RPL6: variants seen among roughly 807,000 people sequenced by gnomAD.
RPL6 encodes ribosomal protein L6.
Under a neutral mutation model 32.1 loss-of-function variants are expected in RPL6, and 1 was observed. The ratio of observed to expected loss-of-function variants is 0.03; its 90% CI spans 0.01 to 0.15. RPL6 has a LOEUF of 0.15. RPL6 is among the 10% of genes least tolerant of loss of function. RPL6 has a pLI of 1.00. For missense variants in RPL6, 275 were observed against 354.6 expected, an observed-to-expected ratio of 0.78 and a Z score of 1.80; for synonymous variants, 126 against 131.6, an observed-to-expected ratio of 0.96 and a Z score of 0.29.
chr12:112,408,029 T>C (rs1206789987), intron 3 of RPL6: 3 of 563,716 alleles, frequency 5.3e-6, no homozygotes, highest in East Asian at 3.0e-5. Context: ...CTCATTCCCA[T>C]ATTATATGCA....
chr12:112,412,426 C>T (rs565746035), upstream of RPL6, among the ~76,000 whole-genome samples: 47 of 152,056 alleles, frequency 3.1e-4, no homozygotes, highest in African/African-American at 1.0e-3. Flanking sequence ...CTGCTCACCT[C>T]GGCCTCCCAA....
intron 4 of RPL6, 77 bp downstream of exon 4, chr12:112,406,670 C>T: frequency 1.9e-6 from 3 of 1,557,230 alleles, no homozygotes; most frequent in Non-Finnish European, 2.6e-6. Flanking sequence ...AGGAAAAGTA[C>T]ACCTAGCGTG....
chr12:112,412,678 G>T (rs1053978587), upstream of RPL6, among the ~76,000 whole-genome samples: 1 of 151,954 alleles, frequency 6.6e-6, no homozygotes, highest in Non-Finnish European at 1.5e-5. Context: ...GTCTCACAAT[G>T]TTGCCTCAGC....
intron 1 of RPL6, among the ~76,000 whole-genome samples, chr12:112,416,170 C>A (rs1215412199): frequency 7.6e-6 from 1 of 131,218 alleles, no homozygotes; most frequent in Admixed American, 8.3e-5. Context: ...GACAGAGTCT[C>A]GCTCTGTTGC....
At chr12:112,409,490 G>A (rs2037293797) in intron 1 of RPL6, 97 bp downstream of exon 1, 1 of 398,632 alleles carries the variant, frequency 2.5e-6, no homozygotes, top group Non-Finnish European at 4.4e-6. Flanking sequence ...GGACATGTCC[G>A]ACCCCTGTAG....
At chr12:112,406,152 T>G (rs186540503) in intron 5 of RPL6, 115 bp from the exon 6 acceptor site, 583 of 1,210,530 alleles carry the variant, frequency 4.8e-4, no homozygotes, top group Non-Finnish European at 6.4e-4. Flanking sequence ...TCTAACCCAC[T>G]TGCACACAAG....
intron 6 of RPL6, 108 bp downstream of exon 6, chr12:112,405,745 T>G: frequency 4.5e-6 from 4 of 885,076 alleles, no homozygotes; most frequent in Non-Finnish European, 7.0e-6. Flanking sequence ...CTCCCAGCAT[T>G]CCTCATTATT....
chr12:112,406,207 A>G (rs2037162541), intron 5 of RPL6, 87 bp downstream of exon 5: 6 of 1,291,332 alleles, frequency 4.6e-6, no homozygotes, highest in Non-Finnish European at 5.6e-6. Flanking sequence ...AGTGTCTACC[A>G]TGTAGGCAGT....
rs761752245 is a variant in RPL6, at chr12:112,406,357, G to T, written c.481-15C>A. 11 of 1,607,856 alleles carry T rather than the reference G, an allele frequency of 6.8e-6. No individual in the cohort carries two copies. Among genetic ancestry groups the T allele is most frequent in the African/African-American group, 6.7e-5 (5 of 74,744 alleles). On this transcript the variant is annotated splice_polypyrimidine_tract_variant and intron_variant, in intron 4 of 6. Transcript: ENST00000202773. ...AAAACCACCCTCTGTAAGTTAAAAA[G>T]AAAATAATTAGTTTTCTGCAATTAA...
upstream of RPL6, chr12:112,409,717 T>C (rs2037303787): frequency 8.0e-6 from 3 of 375,516 alleles, no homozygotes; most frequent in Non-Finnish European, 1.4e-5. Flanking sequence ...AAGAAAAAAG[T>C]AGTAAATCCT....
chr12:112,412,198 CCTGA>C (rs1379835834), upstream of RPL6, among the ~76,000 whole-genome samples: 1 of 152,158 alleles, frequency 6.6e-6, no homozygotes, highest in East Asian at 1.9e-4. Context: ...CGCCACCATG[CCTGA>C]CTAATTTTTT....
At chr12:112,409,755 A>G (rs1269289620), upstream of RPL6, 6 of 324,424 alleles carry the variant, frequency 1.8e-5, no homozygotes, top group Non-Finnish European at 3.3e-5. Flanking sequence ...TCACGCCTGT[A>G]ATCCCAGCCC....
intron 1 of RPL6, among the ~76,000 whole-genome samples, chr12:112,416,613 C>G (rs1339775817): frequency 6.6e-6 from 1 of 151,878 alleles, no homozygotes; most frequent in African/African-American, 2.4e-5. Flanking sequence ...GAGGGTTCAC[C>G]ATGTTGGCCA....
At chr12:112,414,896 C>A (rs1345368913), upstream of RPL6, among the ~76,000 whole-genome samples, 1 of 150,782 alleles carries the variant, frequency 6.6e-6, no homozygotes, top group Non-Finnish European at 1.5e-5. Flanking sequence ...CAGAGTGAGA[C>A]TGTCTAAAAA....
In RPL6 at chr12:112,408,665, AT is replaced by A. The variant is rs757806945; in HGVS notation, c.1-10del. On this transcript the variant is annotated splice_polypyrimidine_tract_variant and intron_variant, in intron 1 of 6. Transcript: ENST00000202773. Reference sequence around the variant, plus strand: ...ACTTTTTCACCCGCCATCTAAAAATATTTTTTTGTAGATAAAAAAAGGCATT... The same window carrying A: ...ACTTTTTCACCCGCCATCTAAAAATATTTTTTGTAGATAAAAAAAGGCATT... 7.8e-5 allele frequency: 121 copies of A among 1,560,788 alleles called. No individual in the cohort carries two copies. Among genetic ancestry groups the A allele is most frequent in the Admixed American group, 2.0e-5 (1 of 49,064 alleles).
chr12:112,409,262 A>T, intron 1 of RPL6: 1 of 388,022 alleles, frequency 2.6e-6, no homozygotes, highest in Non-Finnish European at 4.5e-6. Context: ...CATCCTCTGG[A>T]ACCCAGGACC....
intron 1 of RPL6, among the ~76,000 whole-genome samples, chr12:112,417,559 G>C (rs2037430490): frequency 8.5e-6 from 1 of 117,010 alleles, no homozygotes; most frequent in African/African-American, 3.9e-5. Flanking sequence ...ACCCGGCCCG[G>C]CTTTTTTTTT....
upstream of RPL6, chr12:112,410,354 A>G (rs995192931): frequency 3.5e-6 from 1 of 285,248 alleles, no homozygotes. Flanking sequence ...CCTCTTGTAC[A>G]TGGCCTTTCT....
chr12:112,415,331 G>C (rs1236092229), upstream of RPL6, among the ~76,000 whole-genome samples: 1 of 152,218 alleles, frequency 6.6e-6, no homozygotes, highest in Non-Finnish European at 1.5e-5. Context: ...GGCCTTGGGA[G>C]GTCAAAGTGG....
Sources: allele counts gnomAD v4.1 joint callset (sites outside exome capture counted in the v4.1 genomes callset), GRCh38; gene constraint gnomAD v4.1.1; transcripts MANE v1.5; gene names NCBI Gene and HGNC (gene_info 2026-07-23, HGNC 2026-07-21).